The following SLC49A4 variants were observed in gnomAD, a reference collection of about 807,000 sequenced individuals.
SLC49A4 encodes the protein solute carrier family 49 member 4.
Under a neutral mutation model 50.6 loss-of-function variants are expected in SLC49A4, and 36 were observed. The observed-to-expected ratio is 0.71, with a 90% CI of 0.55 to 0.94. The LOEUF (loss-of-function observed/expected upper bound fraction) is 0.94. Ranked by LOEUF, SLC49A4 falls within the 40% of genes least tolerant of loss-of-function variation. The pLI is 0.00. For missense variants in SLC49A4, 503 were observed against 605.7 expected (o/e 0.83, Z 1.78); for synonymous variants, 248 against 241.2 (o/e 1.03, Z -0.26).
At position 122,826,876 on chromosome 3, in the gene SLC49A4, A is replaced by T; in HGVS notation, c.514A>T (p.Thr172Ser). Residue 172 changes from threonine to serine, a missense_variant, in exon 3 of 9, where the codon ACG becomes TCG. Transcript: ENST00000261038. ...GAATGCAGCACCATTTCTCTCTACG[A>T]CGTGGTTTTCTGCAGATGAAAGGGC... is the stretch of plus-strand genomic sequence containing the variant. ...VMNAAPFLST[T>S]WFSADERATA... 6.2e-7 allele frequency: 1 copy of T among 1,614,150 alleles called. No homozygotes were observed. Among genetic ancestry groups the T allele is most frequent in the South Asian group, 1.1e-5 (1 of 91,084 alleles).
chr3:122,820,720 G>C (rs966342974), intron 2 of SLC49A4, among the ~76,000 whole-genome samples: 3 of 152,212 alleles, frequency 2.0e-5, no homozygotes, highest in Admixed American at 6.5e-5. Flanking sequence ...CTGTGGGCAG[G>C]GGCACTAATC....
intron 8 of SLC49A4, among the ~76,000 whole-genome samples, chr3:122,875,474 C>G (rs1937254669): frequency 6.6e-6 from 1 of 152,062 alleles, no homozygotes; most frequent in African/African-American, 2.4e-5. Context: ...CCTCAGCCTC[C>G]CAAGTAGCTG....
chr3:122,872,189 A>C (rs2107584176), intron 7 of SLC49A4, among the ~76,000 whole-genome samples: 1 of 152,330 alleles, frequency 6.6e-6, no homozygotes, highest in South Asian at 2.1e-4. Context: ...AGAAAGGTAA[A>C]GGAGATAAAC....
intron 4 of SLC49A4, among the ~76,000 whole-genome samples, chr3:122,840,778 G>A (rs1019549717): frequency 6.6e-6 from 1 of 152,098 alleles, no homozygotes; most frequent in South Asian, 2.1e-4. Context: ...TATGCATTGA[G>A]CAATGTCTCT....
chr3:122,798,680 G>A (rs1235901689), intron 1 of SLC49A4, among the ~76,000 whole-genome samples: 7 of 105,350 alleles, frequency 6.6e-5, no homozygotes, highest in African/African-American at 2.6e-4. Context: ...AGTCTCACTT[G>A]GTCACTCAGG....
At chr3:122,796,813 G>T (rs1231416011) in intron 1 of SLC49A4, among the ~76,000 whole-genome samples, 1 of 152,160 alleles carries the variant, frequency 6.6e-6, no homozygotes, top group Non-Finnish European at 1.5e-5. Flanking sequence ...AGCTCAGGAG[G>T]TCGAAGCTGG....
intron 4 of SLC49A4, 90 bp from the exon 5 acceptor site, chr3:122,845,673 C>A: frequency 4.3e-5 from 10 of 231,966 alleles, no homozygotes; most frequent in Admixed American, 1.8e-4. Context: ...TTCTGGTGTT[C>A]CAGTTTCCAA....
In SLC49A4 at chr3:122,817,747, A is replaced by ATTTT. The variant is rs77819385; in HGVS notation, c.438-9028_438-9025dup. On this transcript the variant is annotated intron_variant, in intron 2 of 8. Coordinates refer to ENST00000261038, the MANE Select transcript of SLC49A4 (RefSeq NM_032839.3). ...AGGCATGTGCCACCACACCCAGCTA[A>ATTTT]TTTTTTTTTTTTTTTTTTTTTTTTT... Among the ~76,000 whole-genome samples, 42 of 71,892 alleles carry ATTTT rather than the reference A, an allele frequency of 5.8e-4. 1 individual carries two copies. The highest frequency in any genetic ancestry group is 1.0e-3 in the Admixed American group (5 of 4,858). The allele number at this position is 71,892 out of a possible 152,430, so 47.2% of individuals were successfully genotyped here.
intron 4 of SLC49A4, among the ~76,000 whole-genome samples, chr3:122,836,484 T>A (rs1486141257): frequency 6.6e-6 from 1 of 152,208 alleles, no homozygotes; most frequent in Non-Finnish European, 1.5e-5. Flanking sequence ...TGCCAGGTTT[T>A]GGTATCAGGA....
At chr3:122,811,096 A>G (rs1201030194) in intron 2 of SLC49A4, among the ~76,000 whole-genome samples, 1 of 152,252 alleles carries the variant, frequency 6.6e-6, no homozygotes, top group Non-Finnish European at 1.5e-5. Context: ...AATTTAGATT[A>G]TCTTTATGAT....
intron 5 of SLC49A4, among the ~76,000 whole-genome samples, chr3:122,846,289 A>G (rs1423753068): frequency 6.6e-6 from 1 of 152,138 alleles, no homozygotes; most frequent in Non-Finnish European, 1.5e-5. Context: ...CATTTCACCT[A>G]TATGCTTGAT....
intron 1 of SLC49A4, among the ~76,000 whole-genome samples, chr3:122,798,634 CTTTTTTTTTTTT>C (rs71136594): frequency 4.8e-5 from 3 of 62,826 alleles, no homozygotes; most frequent in Non-Finnish European, 8.2e-5. Context: ...ACTAAAATAT[CTTTTTTTTTTTT>C]TTTTTTTTTT....
chr3:122,808,239 A>G lies in SLC49A4; in HGVS notation c.437+1289A>G, dbSNP rs1200910136. The stretch of plus-strand genomic sequence containing the variant: ...CATTACATGACATACTATGTTTGTG[A>G]TGTAGTTTCATTCCACTCAGGGAAA... On this transcript the variant is annotated intron_variant, in intron 2 of 8. Coordinates refer to ENST00000261038, the MANE Select transcript of SLC49A4 (RefSeq NM_032839.3). Among the ~76,000 whole-genome samples, 3 of 152,218 alleles carry G rather than the reference A, an allele frequency of 2.0e-5. No individual in the cohort carries two copies. In the East Asian group the frequency reaches 5.8e-4, roughly 29 times the overall value.
intron 4 of SLC49A4, among the ~76,000 whole-genome samples, chr3:122,844,377 C>A (rs551405425): frequency 9.2e-5 from 14 of 152,050 alleles, no homozygotes; most frequent in Non-Finnish European, 1.6e-4. Context: ...CTGGCCAGAG[C>A]TTTTTTTAAA....
intron 2 of SLC49A4, among the ~76,000 whole-genome samples, chr3:122,819,726 C>T (rs1176377033): frequency 6.6e-6 from 1 of 152,138 alleles, no homozygotes; most frequent in Admixed American, 6.5e-5. Flanking sequence ...CATCTCTAAC[C>T]CTCTTTATTG....
At chr3:122,857,075 A>G (rs1366067599) in intron 6 of SLC49A4, among the ~76,000 whole-genome samples, 1 of 152,120 alleles carries the variant, frequency 6.6e-6, no homozygotes, top group African/African-American at 2.4e-5. Context: ...AAAAGTGTCA[A>G]TAGAACTTTC....
intron 5 of SLC49A4, among the ~76,000 whole-genome samples, chr3:122,854,525 C>A (rs1216414817): frequency 6.6e-6 from 1 of 152,212 alleles, no homozygotes; most frequent in East Asian, 1.9e-4. Context: ...TCCCCTAGGA[C>A]CTTGTCATTA....
rs1936013108 is a variant in SLC49A4 at position 122,795,508 on chromosome 3, G to A, written c.316G>A (p.Ala106Thr). The change falls in exon 1 of 9, where the codon GCG (alanine) becomes ACG (threonine). Residue 106 changes from alanine to threonine, a missense_variant. Transcript: ENST00000261038. ...WGPIGFLPCF[A>T]FMWLLDKRGL... ...GCCCATCGGCTTCCTGCCCTGCTTC[G>A]CGTTCATGTGGCTCCTGGACAAGAG... 1 of 1,601,336 alleles carries A rather than the reference G, an allele frequency of 6.2e-7. No homozygotes were observed. Among genetic ancestry groups the A allele is most frequent in the Non-Finnish European group, 8.5e-7 (1 of 1,178,320 alleles).
At chr3:122,839,553 AT>A (rs1010245617) in intron 4 of SLC49A4, among the ~76,000 whole-genome samples, 1 of 152,100 alleles carries the variant, frequency 6.6e-6, no homozygotes, top group Non-Finnish European at 1.5e-5. Flanking sequence ...GAAAAAAAAA[AT>A]CTCATCAAAA....
Sources: allele counts gnomAD v4.1 joint callset (sites outside exome capture counted in the v4.1 genomes callset), GRCh38; gene constraint gnomAD v4.1.1; transcripts MANE v1.5; gene names NCBI Gene and HGNC (gene_info 2026-07-23, HGNC 2026-07-21).